HS1BP3: variants seen among roughly 807,000 people sequenced by gnomAD.
HS1BP3 encodes HCLS1-binding protein 3.
In HS1BP3, 32 loss-of-function variants were observed where a neutral mutation model predicts 33.5. That is an observed-to-expected ratio of 0.95 (90% confidence interval 0.72 to 1.28). The LOEUF (loss-of-function observed/expected upper bound fraction) is 1.28, where lower values mean the gene tolerates loss of function less well. Ranked by LOEUF, HS1BP3 falls within the 50% of genes most tolerant of loss-of-function variation. The pLI, the probability that HS1BP3 is intolerant of heterozygous loss-of-function variation, is 0.00. For missense variants in HS1BP3, 486 were observed against 502.3 expected (o/e 0.97, Z 0.31); for synonymous variants, 187 against 209.2 (o/e 0.89, Z 0.92).
At chr2:20,582,829 T>G (rs1693566406) in intron 5 of HS1BP3, among the ~76,000 whole-genome samples, 1 of 152,172 alleles carries the variant, frequency 6.6e-6, no homozygotes. Context: ...ACGCCCACTG[T>G]GCTGGGTCTC....
intron 2 of HS1BP3, among the ~76,000 whole-genome samples, chr2:20,598,457 TA>T (rs1693992585): frequency 6.6e-6 from 1 of 150,568 alleles, no homozygotes; most frequent in Admixed American, 6.6e-5. Flanking sequence ...GGAGTGGCTG[TA>T]AATACAGATG....
chr2:20,597,051 A>G (rs1693958935), intron 3 of HS1BP3, among the ~76,000 whole-genome samples: 1 of 152,182 alleles, frequency 6.6e-6, no homozygotes, highest in Non-Finnish European at 1.5e-5. Flanking sequence ...CTTAAAAGGG[A>G]GGCCCAGGGG....
chr2:20,564,656 G>A (rs867235524), intron 5 of HS1BP3, among the ~76,000 whole-genome samples: 14 of 152,154 alleles, frequency 9.2e-5, no homozygotes, highest in Middle Eastern at 3.4e-3. Flanking sequence ...GGTAAGTTTC[G>A]TATTTTTAGT....
chr2:20,595,116 C>A lies in HS1BP3; in HGVS notation c.*13-2322G>T, dbSNP rs550015245. 8.9e-4 allele frequency among the ~76,000 whole-genome samples: 136 copies of A among 152,268 alleles called. 2 individuals are homozygous for A. The highest frequency in any genetic ancestry group is 3.2e-3 in the African/African-American group (133 of 41,554). The stretch of plus-strand genomic sequence containing the variant: ...CAGCTGGAGCAGGGAGTGAGAGCCT[C>A]GGCAGCCTTGGGAGAAGGTGCCCTA... On this transcript the variant is annotated intron_variant, in intron 3 of 3. Coordinates refer to the HS1BP3 transcript ENST00000415264.
At chr2:20,558,279 G>A (rs1456052817), downstream of HS1BP3, among the ~76,000 whole-genome samples, 3 of 152,184 alleles carry the variant, frequency 2.0e-5, no homozygotes, top group African/African-American at 4.8e-5. Flanking sequence ...GTAATGGAAG[G>A]GGTCGCCAGA....
At chr2:20,560,656 A>G (rs4666423) in intron 5 of HS1BP3, 114,685 of 152,160 alleles carry the variant, frequency 0.75, 45,199 homozygotes, top group Non-Finnish European at 0.86. Flanking sequence ...TGACAGAGTC[A>G]GAAACTGAGG....
rs887985442 is a variant in HS1BP3 at position 20,622,262 on chromosome 2, A to T, written c.920+1634T>A. ...AGTCACAGGGCAGACACAAAGAATGAATGTGGTTCCTGCTCTCAAGAAGCT... is the reference window on the plus strand; with the variant it reads ...AGTCACAGGGCAGACACAAAGAATGTATGTGGTTCCTGCTCTCAAGAAGCT... On this transcript the variant is annotated intron_variant, in intron 6 of 6. Transcript: ENST00000304031. 2.3e-6 allele frequency: 3 copies of T among 1,304,264 alleles called. No homozygotes were observed. In the African/African-American group the frequency reaches 4.6e-5, roughly 20 times the overall value. The allele number at this position is 1,304,264 out of a possible 1,614,324, so 80.8% of individuals were successfully genotyped here. A position where few individuals can be genotyped will look rare whatever the true frequency, so the allele number is the denominator to read the frequency against.
chr2:20,641,281 G>A (rs1176426088), intron 2 of HS1BP3, 101 bp from the exon 3 acceptor site: 6 of 1,081,558 alleles, frequency 5.5e-6, no homozygotes, highest in Non-Finnish European at 8.2e-6. Flanking sequence ...GCCAAAGGAA[G>A]TGTGCCAGGT....
At chr2:20,648,878 GCTGAGAGA>G (rs1469121372) in intron 1 of HS1BP3, among the ~76,000 whole-genome samples, 1 of 152,216 alleles carries the variant, frequency 6.6e-6, no homozygotes, top group African/African-American at 2.4e-5. Context: ...AGCAGCTTAG[GCTGAGAGA>G]CTTGCCGTTA....
chr2:20,647,501 G>A (rs1695553767), intron 1 of HS1BP3, among the ~76,000 whole-genome samples: 1 of 152,176 alleles, frequency 6.6e-6, no homozygotes. Flanking sequence ...CCTAGATGTG[G>A]GGTTCTCAAA....
At chr2:20,563,074 A>G (rs938484731) in intron 5 of HS1BP3, among the ~76,000 whole-genome samples, 3 of 152,196 alleles carry the variant, frequency 2.0e-5, no homozygotes, top group Admixed American at 2.0e-4. Flanking sequence ...TCCTAAAAAT[A>G]TCTGAGAACC....
At chr2:20,593,702 C>T (rs548109356) in intron 3 of HS1BP3, among the ~76,000 whole-genome samples, 23 of 152,278 alleles carry the variant, frequency 1.5e-4, no homozygotes, top group South Asian at 6.2e-4. Flanking sequence ...TCCCCCACTG[C>T]GCCCGCTCTC....
chr2:20,611,050 T>C lies in HS1BP3; in HGVS notation c.179-12785A>G, dbSNP rs1694309138. Among the ~76,000 whole-genome samples the C allele has an allele frequency of 6.6e-6, 1 of 152,236 alleles. No homozygotes were observed. Among genetic ancestry groups the C allele is most frequent in the Non-Finnish European group, 1.5e-5 (1 of 68,048 alleles). ...CTAGGGTTTCATATATGTGGGATCA[T>C]ACAAGATATAGTTTTGGGGTCTGGC... On this transcript the variant is annotated intron_variant, in intron 2 of 3. Coordinates refer to the HS1BP3 transcript ENST00000415264. This position sits in a 1 kb window ranked among gnomAD's most constrained non-coding sequence, Gnocchi z 4.9.
intron 1 of HS1BP3, among the ~76,000 whole-genome samples, chr2:20,649,928 A>G (rs908318436): frequency 6.6e-6 from 1 of 152,236 alleles, no homozygotes; most frequent in East Asian, 1.9e-4. Context: ...ATCCATCTGC[A>G]CATGGCTGAG....
At chr2:20,595,518 T>C (rs958971660) in intron 3 of HS1BP3, among the ~76,000 whole-genome samples, 9 of 151,982 alleles carry the variant, frequency 5.9e-5, no homozygotes, top group Admixed American at 6.5e-5. Flanking sequence ...GGAGGGAGGG[T>C]TTCGGCTGGG....
chr2:20,570,716 A>G (rs1180615904), intron 5 of HS1BP3, among the ~76,000 whole-genome samples: 1 of 152,212 alleles, frequency 6.6e-6, no homozygotes. Context: ...AGATTCTGCT[A>G]GGGGAGGAGG....
intron 5 of HS1BP3, among the ~76,000 whole-genome samples, chr2:20,577,502 C>T (rs1693428610): frequency 6.6e-6 from 1 of 152,226 alleles, no homozygotes; most frequent in African/African-American, 2.4e-5. Flanking sequence ...CTTCCTGTCT[C>T]CCTGCATTTC....
In HS1BP3 at chr2:20,630,581, T is replaced by C. The variant is rs372525476; in HGVS notation, c.624-5689A>G. Among the ~76,000 whole-genome samples, 10 of 152,310 alleles carry C rather than the reference T, an allele frequency of 6.6e-5. No homozygotes were observed. In the East Asian group the frequency reaches 1.9e-3, roughly 29 times the overall value. ...ACTGTGCCTGGCTGGTTTTATTTTT[T>C]CAATGAGAAAATTCTCAGAGTACCA... On this transcript the variant is annotated intron_variant, in intron 4 of 6. Transcript: ENST00000304031.
intron 5 of HS1BP3, among the ~76,000 whole-genome samples, chr2:20,567,327 G>A (rs1268729344): frequency 1.3e-5 from 2 of 152,198 alleles, no homozygotes; most frequent in African/African-American, 2.4e-5. Context: ...CAGAAGCTGG[G>A]GGCATCTCAG....
Sources: allele counts gnomAD v4.1 joint callset (sites outside exome capture counted in the v4.1 genomes callset), GRCh38; gene constraint gnomAD v4.1.1; non-coding constraint Gnocchi (gnomAD v3.1); transcripts MANE v1.5; gene names NCBI Gene and HGNC (gene_info 2026-07-23, HGNC 2026-07-21).